The following LINGO2 variants were observed in gnomAD, a reference collection of about 807,000 sequenced individuals.
The protein encoded by LINGO2 is leucine-rich repeat and immunoglobulin-like domain-containing nogo receptor-interacting protein 2.
In LINGO2, 14 loss-of-function variants were observed where a neutral mutation model predicts 30.6. That is an observed-to-expected ratio of 0.46 (90% CI 0.30 to 0.72). The LOEUF (loss-of-function observed/expected upper bound fraction) is 0.72. LINGO2 is among the 30% of genes least tolerant of loss of function. The pLI is 0.07. For synonymous variants in LINGO2, 317 were observed against 288.5 expected (o/e 1.10, Z -1.00); for missense variants, 729 against 751.7 (o/e 0.97, Z 0.35).
At chr9:28,880,126 T>C in the LINGO2 span, among the ~76,000 whole-genome samples, 1 of 152,194 alleles carries the variant, frequency 6.6e-6, no homozygotes, top group Non-Finnish European at 1.5e-5. Flanking sequence ...TTCTCTCTTT[T>C]GAGACTGAGT....
chr9:28,988,007 G>A, the LINGO2 span, among the ~76,000 whole-genome samples: 20 of 152,144 alleles, frequency 1.3e-4, no homozygotes, highest in Non-Finnish European at 2.8e-4. Flanking sequence ...ATTTTCTGTT[G>A]CTGTTGGATG....
chr9:28,400,127 A>G (rs1822202121), intron 2 of LINGO2, among the ~76,000 whole-genome samples: 1 of 152,148 alleles, frequency 6.6e-6, no homozygotes, highest in African/African-American at 2.4e-5. Flanking sequence ...GAGTGACTCT[A>G]TTGTGACCCT....
intron 1 of LINGO2, among the ~76,000 whole-genome samples, chr9:28,529,837 A>G (rs1182485529): frequency 1.3e-5 from 2 of 152,120 alleles, no homozygotes; most frequent in African/African-American, 4.8e-5. Context: ...AAACAGCAGG[A>G]AAGTGTGAAA....
At chr9:28,394,919 T>C (rs1387312399) in intron 2 of LINGO2, among the ~76,000 whole-genome samples, 1 of 152,234 alleles carries the variant, frequency 6.6e-6, no homozygotes, top group Admixed American at 6.5e-5. Context: ...AGTGTATTAA[T>C]TTCATTACAA....
At chr9:29,090,127 TATTGTGATTGATA>T in the LINGO2 span, among the ~76,000 whole-genome samples, 2 of 152,190 alleles carry the variant, frequency 1.3e-5, no homozygotes, top group South Asian at 4.1e-4. Flanking sequence ...ATTGAATGTA[TATTGTGATTGATA>T]TATAGAGAGA....
the LINGO2 span, among the ~76,000 whole-genome samples, chr9:29,180,990 G>A: frequency 1.6e-4 from 25 of 152,234 alleles, no homozygotes; most frequent in South Asian, 4.8e-3. Context: ...CTGATATGGT[G>A]GTTCTGGTTA....
the LINGO2 span, among the ~76,000 whole-genome samples, chr9:28,770,941 C>T: frequency 6.6e-6 from 1 of 152,136 alleles, no homozygotes; most frequent in Non-Finnish European, 1.5e-5. Flanking sequence ...GGCTTAATGG[C>T]AAAACTAACA....
the LINGO2 span, among the ~76,000 whole-genome samples, chr9:28,797,816 T>C: frequency 1.3e-5 from 2 of 151,972 alleles, no homozygotes; most frequent in African/African-American, 4.8e-5. Flanking sequence ...AAAGGAGTGA[T>C]TGTAGTTAGA....
the LINGO2 span, among the ~76,000 whole-genome samples, chr9:28,706,849 T>C: frequency 6.6e-6 from 1 of 152,238 alleles, no homozygotes; most frequent in Non-Finnish European, 1.5e-5. Context: ...ATGATAGACC[T>C]GACCTTATCT....
intron 1 of LINGO2, among the ~76,000 whole-genome samples, chr9:28,519,905 G>A (rs770807159): frequency 1.3e-5 from 2 of 151,948 alleles, no homozygotes; most frequent in Non-Finnish European, 1.5e-5. Flanking sequence ...ATGGTTTTAC[G>A]TTTTGTCCAT....
the LINGO2 span, among the ~76,000 whole-genome samples, chr9:29,044,199 C>T: frequency 6.6e-6 from 1 of 151,836 alleles, no homozygotes; most frequent in African/African-American, 2.4e-5. Context: ...ATAATTATAA[C>T]ATGGATGGCA....
chr9:29,190,440 T>C, the LINGO2 span, among the ~76,000 whole-genome samples: 1 of 152,146 alleles, frequency 6.6e-6, no homozygotes, highest in Admixed American at 6.5e-5. Flanking sequence ...TCCTTATGGT[T>C]CATAAAAAGC....
At chr9:28,103,003 C>G (rs1301213805) in intron 4 of LINGO2, among the ~76,000 whole-genome samples, 1 of 152,086 alleles carries the variant, frequency 6.6e-6, no homozygotes, top group East Asian at 1.9e-4. Flanking sequence ...ACAGTGAATT[C>G]AAAATTTTCT....
intron 2 of LINGO2, among the ~76,000 whole-genome samples, chr9:28,419,977 A>T (rs566187161): frequency 6.6e-6 from 1 of 152,180 alleles, no homozygotes; most frequent in Admixed American, 6.5e-5. Flanking sequence ...AGAAAAAATA[A>T]AAGTCACCAA....
chr9:29,207,237 A>C, the LINGO2 span, among the ~76,000 whole-genome samples: 1 of 152,054 alleles, frequency 6.6e-6, no homozygotes, highest in African/African-American at 2.4e-5. Context: ...TAAGAAAATA[A>C]AGGCACTTTC....
At chr9:28,705,366 G>T in the LINGO2 span, among the ~76,000 whole-genome samples, 1 of 152,098 alleles carries the variant, frequency 6.6e-6, no homozygotes, top group Non-Finnish European at 1.5e-5. Context: ...CTTTTAGTGA[G>T]TTTGTGCCCC....
rs117140179 is a variant in LINGO2, at chr9:28,542,935, T to C, written c.-364-66910A>G. ...TCTGAAAGAAGAGGATGTCTAGGAA[T>C]GGGCAGAAAGGAGCAGAACACGACG... On this transcript the variant is annotated intron_variant, in intron 1 of 5. Transcript: ENST00000379992. Among the ~76,000 whole-genome samples, 592 of 152,094 alleles carry C rather than the reference T, an allele frequency of 3.9e-3. 2 individuals carry two copies. The highest frequency in any genetic ancestry group is 5.4e-3 in the Non-Finnish European group (369 of 68,014).
intron 4 of LINGO2, among the ~76,000 whole-genome samples, chr9:28,119,012 T>G (rs1827015995): frequency 6.6e-6 from 1 of 151,344 alleles, no homozygotes; most frequent in Admixed American, 6.6e-5. Context: ...GAGCCTGGGT[T>G]AAATATAATT....
intron 4 of LINGO2, among the ~76,000 whole-genome samples, chr9:28,231,831 A>G (rs960046642): frequency 6.6e-6 from 1 of 152,164 alleles, no homozygotes; most frequent in Non-Finnish European, 1.5e-5. Context: ...AAGCATGCAC[A>G]AAAATGGAAA....
Sources: gnomAD v4.1 joint callset for allele counts (sites outside exome capture counted in the v4.1 genomes callset) on GRCh38, gnomAD v4.1.1 for gene constraint, MANE v1.5 for transcripts, NCBI Gene and HGNC (gene_info 2026-07-23, HGNC 2026-07-21) for gene names.